The following XKR9 variants were observed in gnomAD, a reference collection of about 807,000 sequenced individuals.
XKR9 encodes the protein XK related 9, also known as XK-related protein 9.
In XKR9, 32 loss-of-function variants were observed where a neutral mutation model predicts 32.0. That is an observed-to-expected ratio of 1.00 (90% CI 0.76 to 1.34). The LOEUF is 1.34. Ranked by LOEUF, XKR9 falls within the 40% of genes most tolerant of loss-of-function variation. XKR9 has a pLI of 0.00. For synonymous variants in XKR9, 168 were observed against 143.4 expected (o/e 1.17, Z -1.22); for missense variants, 546 against 429.7 (o/e 1.27, Z -2.39).
the XKR9 span, among the ~76,000 whole-genome samples, chr8:70,837,557 G>A: frequency 6.6e-6 from 1 of 152,074 alleles, no homozygotes; most frequent in Non-Finnish European, 1.5e-5. Context: ...GTGAACATGA[G>A]TGCTGGCAAA....
the XKR9 span, among the ~76,000 whole-genome samples, chr8:71,052,056 G>A: frequency 1.3e-5 from 2 of 152,166 alleles, no homozygotes; most frequent in Non-Finnish European, 2.9e-5. Flanking sequence ...GACACCATAT[G>A]TCTGGGTTGC....
the XKR9 span, among the ~76,000 whole-genome samples, chr8:70,961,554 T>C: frequency 6.6e-6 from 1 of 152,220 alleles, no homozygotes; most frequent in Non-Finnish European, 1.5e-5. Flanking sequence ...ATTTTCTTTA[T>C]TGAAAATATC....
At chr8:70,690,080 C>T (rs994600747) in intron 3 of XKR9, among the ~76,000 whole-genome samples, 2 of 152,046 alleles carry the variant, frequency 1.3e-5, no homozygotes, top group African/African-American at 4.8e-5. Context: ...AAACACTTTA[C>T]TCTTTTTTTG....
chr8:70,929,912 A>G, the XKR9 span, among the ~76,000 whole-genome samples: 2 of 152,200 alleles, frequency 1.3e-5, no homozygotes, highest in Non-Finnish European at 2.9e-5. Flanking sequence ...AAGTACTTAG[A>G]TTAGTGTTTG....
At chr8:70,742,231 C>CTTT (rs1025265563) in intron 2 of XKR9, among the ~76,000 whole-genome samples, 14 of 152,154 alleles carry the variant, frequency 9.2e-5, no homozygotes, top group African/African-American at 3.4e-4. Flanking sequence ...TAATATGTCC[C>CTTT]TTATGCTACT....
chr8:70,811,270 C>A, the XKR9 span, among the ~76,000 whole-genome samples: 5 of 152,084 alleles, frequency 3.3e-5, no homozygotes, highest in Admixed American at 6.5e-5. Flanking sequence ...ATACCAGAAT[C>A]TCTGGGACAC....
At chr8:70,857,700 G>A in the XKR9 span, among the ~76,000 whole-genome samples, 70 of 152,190 alleles carry the variant, frequency 4.6e-4, no homozygotes, top group African/African-American at 1.5e-3. Flanking sequence ...GATGAACACC[G>A]ATGTAAAAAT....
intron 1 of XKR9, among the ~76,000 whole-genome samples, chr8:70,670,837 A>G (rs148659411): frequency 4.6e-5 from 7 of 152,318 alleles, no homozygotes; most frequent in East Asian, 1.9e-4. Context: ...AGGCATTTCA[A>G]TCTGTCAATA....
the XKR9 span, among the ~76,000 whole-genome samples, chr8:70,968,190 T>C: frequency 6.6e-6 from 1 of 151,680 alleles, no homozygotes; most frequent in Non-Finnish European, 1.5e-5. Flanking sequence ...AAAGATAGTC[T>C]TCAAACTCTG....
the XKR9 span, among the ~76,000 whole-genome samples, chr8:70,904,655 C>T: frequency 6.6e-6 from 1 of 152,192 alleles, no homozygotes; most frequent in African/African-American, 2.4e-5. Context: ...GAATTTGATC[C>T]TGTCATTATG....
the XKR9 span, among the ~76,000 whole-genome samples, chr8:71,022,080 T>G: frequency 1.3e-5 from 2 of 152,234 alleles, no homozygotes; most frequent in Non-Finnish European, 2.9e-5. Flanking sequence ...GCACAATTTA[T>G]TGAATAGGGA....
At position 70,707,118 on chromosome 8, in the gene XKR9, T is replaced by C. The variant is rs758504730; in HGVS notation, c.458T>C (p.Ile153Thr). 8.7e-6 allele frequency: 14 copies of C among 1,613,348 alleles called. No individual in the cohort carries two copies. The East Asian group carries it at 3.1e-4, about 36-fold the overall frequency. The change falls in exon 4 of 5, where the codon ATT becomes ACT. Residue 153 changes from isoleucine to threonine, a missense_variant. By Grantham distance (89) the Ile-to-Thr change is moderately conservative. Coordinates refer to ENST00000408926, the MANE Select transcript of XKR9 (RefSeq NM_001011720.2). ...CCACAACTTATTCTTCAACTCTACA[T>C]TCTTCTGGAGCATGGACAAGCGAAT... ...GCPQLILQLY[I>T]LLEHGQANFS...
At chr8:70,986,338 G>T in the XKR9 span, among the ~76,000 whole-genome samples, 2 of 152,052 alleles carry the variant, frequency 1.3e-5, no homozygotes, top group Admixed American at 6.6e-5. Flanking sequence ...TTATGGTATT[G>T]GAATTATTCT....
At chr8:70,902,169 G>A in the XKR9 span, among the ~76,000 whole-genome samples, 10 of 152,168 alleles carry the variant, frequency 6.6e-5, no homozygotes, top group Admixed American at 6.5e-4. Context: ...CTTTAAGGTA[G>A]TTTTTTCCAA....
chr8:70,828,450 G>A, the XKR9 span, among the ~76,000 whole-genome samples: 1 of 152,124 alleles, frequency 6.6e-6, no homozygotes, highest in African/African-American at 2.4e-5. Flanking sequence ...AAAGACTGGT[G>A]GGGGCTGGGC....
At chr8:70,683,494 T>A (rs748434330) in intron 3 of XKR9, 1 of 226,660 alleles carries the variant, frequency 4.4e-6, no homozygotes, top group African/African-American at 2.4e-5. Flanking sequence ...ATTACTTTTC[T>A]TTTTTTTTTT....
chr8:71,032,301 A>C, the XKR9 span, among the ~76,000 whole-genome samples: 1 of 144,296 alleles, frequency 6.9e-6, no homozygotes, highest in Admixed American at 6.8e-5. Context: ...AAAAAAAAAA[A>C]AAAAAAACCA....
chr8:70,949,026 A>G, the XKR9 span, among the ~76,000 whole-genome samples: 1 of 152,214 alleles, frequency 6.6e-6, no homozygotes, highest in Non-Finnish European at 1.5e-5. Context: ...GAATATTTAC[A>G]AATTGTTCCT....
At chr8:70,709,347 T>C (rs1805828821) in intron 4 of XKR9, among the ~76,000 whole-genome samples, 1 of 152,118 alleles carries the variant, frequency 6.6e-6, no homozygotes, top group Non-Finnish European at 1.5e-5. Flanking sequence ...AACATCATAC[T>C]GAGAATGGGC....
Sources: gnomAD v4.1 joint callset for allele counts (sites outside exome capture counted in the v4.1 genomes callset) on GRCh38, gnomAD v4.1.1 for gene constraint, MANE v1.5 for transcripts, NCBI Gene and HGNC (gene_info 2026-07-23, HGNC 2026-07-21) for gene names.